The following NRG3 variants were observed in gnomAD, a reference collection of about 807,000 sequenced individuals.
The protein encoded by NRG3 is pro-neuregulin-3, membrane-bound isoform.
NRG3 carries 31 observed loss-of-function variants against 66.9 expected under a neutral mutation model. The ratio of observed to expected loss-of-function variants is 0.46; its 90% CI spans 0.35 to 0.63. The LOEUF (loss-of-function observed/expected upper bound fraction) is 0.63, where lower values mean the gene tolerates loss of function less well. Ranked by LOEUF, NRG3 falls within the 20% of genes least tolerant of loss-of-function variation. The pLI, the probability that NRG3 is intolerant of heterozygous loss-of-function variation, is 0.00. For synonymous variants in NRG3, 393 were observed against 359.4 expected, an observed-to-expected ratio of 1.09 and a Z score of -1.06; for missense variants, 910 against 878.9, an observed-to-expected ratio of 1.04 and a Z score of -0.45.
intron 1 of NRG3, among the ~76,000 whole-genome samples, chr10:82,001,160 G>A (rs1331429293): frequency 6.6e-6 from 1 of 150,528 alleles, no homozygotes; most frequent in Non-Finnish European, 1.5e-5. Flanking sequence ...ATTGTTGTTC[G>A]GGCTCATACA....
intron 1 of NRG3, among the ~76,000 whole-genome samples, chr10:82,191,956 A>G (rs2074166825): frequency 6.6e-6 from 1 of 152,156 alleles, no homozygotes; most frequent in Non-Finnish European, 1.5e-5. Context: ...ATACATGAAC[A>G]CTTTCCTTTC....
chr10:82,837,511 A>C (rs1564550779), intron 3 of NRG3, among the ~76,000 whole-genome samples: 1 of 152,146 alleles, frequency 6.6e-6, no homozygotes, highest in Non-Finnish European at 1.5e-5. Flanking sequence ...TTATTAAAGA[A>C]GGAAAAATAA....
At chr10:82,593,157 A>G (rs1029685481) in intron 2 of NRG3, among the ~76,000 whole-genome samples, 1 of 152,150 alleles carries the variant, frequency 6.6e-6, no homozygotes, top group Admixed American at 6.5e-5. Context: ...TTTCAGTGTC[A>G]TGATAAAGGA....
At chr10:82,017,143 T>C (rs536185619) in intron 1 of NRG3, among the ~76,000 whole-genome samples, 3 of 152,286 alleles carry the variant, frequency 2.0e-5, no homozygotes, top group South Asian at 2.1e-4. Context: ...GTCCAAGTGT[T>C]CTCATTGTTC....
chr10:82,232,800 G>C (rs368979907), intron 1 of NRG3: 1 of 717,396 alleles, frequency 1.4e-6, no homozygotes, highest in Admixed American at 2.0e-5. Flanking sequence ...GAGTGGTCAG[G>C]AGGCAGAAAC....
At chr10:82,915,887 A>C (rs1044929875) in intron 4 of NRG3, among the ~76,000 whole-genome samples, 3 of 152,128 alleles carry the variant, frequency 2.0e-5, no homozygotes, top group African/African-American at 4.8e-5. Flanking sequence ...TGATCTTATA[A>C]ATTCAACAAA....
chr10:82,259,251 A>G (rs368652718), intron 1 of NRG3, among the ~76,000 whole-genome samples: 20 of 152,260 alleles, frequency 1.3e-4, no homozygotes, highest in Middle Eastern at 6.8e-3. Flanking sequence ...CTGAAAATCA[A>G]TCCTTCTCAG....
At chr10:81,892,426 C>T (rs1843106605) in intron 1 of NRG3, among the ~76,000 whole-genome samples, 1 of 152,048 alleles carries the variant, frequency 6.6e-6, no homozygotes, top group Non-Finnish European at 1.5e-5. Flanking sequence ...TATGATATCT[C>T]ACCCCCTTAA....
At chr10:82,615,091 AGAT>A (rs2048556551) in intron 2 of NRG3, among the ~76,000 whole-genome samples, 3 of 152,288 alleles carry the variant, frequency 2.0e-5, no homozygotes, top group South Asian at 2.1e-4. Context: ...ACTGATTTGA[AGAT>A]GATATTAAAT....
At chr10:82,129,426 T>C (rs1278702006) in intron 1 of NRG3, among the ~76,000 whole-genome samples, 2 of 152,178 alleles carry the variant, frequency 1.3e-5, no homozygotes, top group Non-Finnish European at 2.9e-5. Flanking sequence ...TTCTTATGGG[T>C]ACATAGTTGG....
rs745534086 is a variant in NRG3, at chr10:82,951,524, A to C, written c.1110A>C (p.Gly370=). 3.7e-6 allele frequency: 6 copies of C among 1,613,976 alleles called. No homozygotes were observed. The South Asian group carries it at 5.5e-5, about 15-fold the overall frequency. ...TGTCAATTTCATGTATCATCTTTGG[A>C]ATTGTCATCGTGGGCATGTTCTGTG... The part of the protein sequence containing the change: ...QVLSISCIIF[G]IVIVGMFCAA... Residue 370 remains glycine (G), a synonymous_variant, in exon 5 of 9, where the codon GGA becomes GGC. Transcript: ENST00000372141.
intron 1 of NRG3, among the ~76,000 whole-genome samples, chr10:81,961,113 A>G (rs1329595901): frequency 6.6e-6 from 1 of 152,130 alleles, no homozygotes; most frequent in Non-Finnish European, 1.5e-5. Flanking sequence ...GAATGCTATA[A>G]TGAAGGAGGT....
chr10:82,012,326 G>C (rs143289600), intron 1 of NRG3, among the ~76,000 whole-genome samples: 78 of 152,058 alleles, frequency 5.1e-4, no homozygotes, highest in African/African-American at 1.9e-3. Flanking sequence ...CAAAGAGCAG[G>C]GGGACCCTGG....
At chr10:82,945,468 G>T (rs1848928302) in intron 4 of NRG3, among the ~76,000 whole-genome samples, 2 of 152,086 alleles carry the variant, frequency 1.3e-5, no homozygotes, top group East Asian at 3.9e-4. Flanking sequence ...TTTGAAAAAA[G>T]AAATTTATTT....
At chr10:82,804,991 T>C (rs1264631579) in intron 3 of NRG3, among the ~76,000 whole-genome samples, 1 of 152,230 alleles carries the variant, frequency 6.6e-6, no homozygotes, top group African/African-American at 2.4e-5. Flanking sequence ...GCATCCCAAG[T>C]ATATTGAAGC....
intron 1 of NRG3, among the ~76,000 whole-genome samples, chr10:82,164,021 A>G (rs1266103168): frequency 6.6e-6 from 1 of 151,530 alleles, no homozygotes; most frequent in African/African-American, 2.4e-5. Context: ...CCTGGGTTCA[A>G]GTGATTCTCC....
intron 2 of NRG3, among the ~76,000 whole-genome samples, chr10:82,728,061 T>C (rs547383351): frequency 1.3e-5 from 2 of 152,292 alleles, no homozygotes; most frequent in East Asian, 1.9e-4. Flanking sequence ...GCCCCCAGTG[T>C]ATCTAGGAAG....
chr10:82,246,571 G>A (rs1348437335), intron 1 of NRG3, among the ~76,000 whole-genome samples: 4 of 152,162 alleles, frequency 2.6e-5, no homozygotes, highest in African/African-American at 9.7e-5. Context: ...AGTGAAATCT[G>A]GGATATGCTA....
chr10:82,048,183 A>G (rs2063403255), intron 1 of NRG3, among the ~76,000 whole-genome samples: 1 of 152,154 alleles, frequency 6.6e-6, no homozygotes, highest in African/African-American at 2.4e-5. Flanking sequence ...AACATTAGAC[A>G]GATCAACGAG....
Sources: gnomAD v4.1 joint callset for allele counts (sites outside exome capture counted in the v4.1 genomes callset) on GRCh38, gnomAD v4.1.1 for gene constraint, MANE v1.5 for transcripts, NCBI Gene and HGNC (gene_info 2026-07-23, HGNC 2026-07-21) for gene names.